The following KALRN variants were observed in gnomAD, a reference collection of about 807,000 sequenced individuals.
KALRN encodes the protein kalirin.
KALRN carries 70 observed loss-of-function variants against 353.7 expected under a neutral mutation model. The observed-to-expected ratio is 0.20, with a 90% CI of 0.16 to 0.24. KALRN has a LOEUF of 0.24. KALRN is among the 10% of genes least tolerant of loss of function. KALRN has a pLI of 1.00. For synonymous variants in KALRN, 1,391 were observed against 1,434.8 expected (o/e 0.97, Z 0.69); for missense variants, 2,791 against 3,756.7 (o/e 0.74, Z 6.72).
intron 34 of KALRN, among the ~76,000 whole-genome samples, chr3:124,585,211 C>T (rs1268731385): frequency 6.6e-6 from 1 of 152,166 alleles, no homozygotes; most frequent in Non-Finnish European, 1.5e-5. Context: ...GAGTGGGATG[C>T]GGACGCGGGG....
At chr3:124,618,685 C>T (rs2078934203) in intron 34 of KALRN, among the ~76,000 whole-genome samples, 1 of 152,156 alleles carries the variant, frequency 6.6e-6, no homozygotes, top group South Asian at 2.1e-4. Context: ...ATACCATGGA[C>T]TCAGGAGTGG....
At chr3:124,089,275 A>C (rs1273492565) in intron 1 of KALRN, among the ~76,000 whole-genome samples, 1 of 152,062 alleles carries the variant, frequency 6.6e-6, no homozygotes, top group Non-Finnish European at 1.5e-5. Context: ...CCTGGAGGGG[A>C]TGGAGAAGGG....
At chr3:124,091,963 C>T (rs1385264573) in intron 1 of KALRN, among the ~76,000 whole-genome samples, 4 of 152,156 alleles carry the variant, frequency 2.6e-5, no homozygotes, top group Admixed American at 2.0e-4. Flanking sequence ...ACTTATGAGG[C>T]TCTGTGGGAG....
intron 1 of KALRN, among the ~76,000 whole-genome samples, chr3:124,154,598 A>T (rs1163367227): frequency 6.6e-6 from 1 of 152,222 alleles, no homozygotes; most frequent in Non-Finnish European, 1.5e-5. Context: ...ATCACTGCTC[A>T]ATGAAATAAA....
rs528985483 is a variant in KALRN, at chr3:124,497,586, C to T, written c.4935+1173C>T. 1.1e-4 allele frequency among the ~76,000 whole-genome samples: 17 copies of T among 152,210 alleles called. 1 individual carries two copies. The East Asian group carries it at 2.1e-3, about 19-fold the overall frequency. On this transcript the variant is annotated intron_variant, in intron 33 of 59. Transcript: ENST00000682506. ...CATTCAAGGTAATTCTGACAACTGC[C>T]CTCAAGTTTTTAAGCCATTTTCTAC...
At chr3:124,286,235 C>T (rs1294084349) in intron 5 of KALRN, among the ~76,000 whole-genome samples, 3 of 145,330 alleles carry the variant, frequency 2.1e-5, no homozygotes, top group Admixed American at 7.1e-5. Flanking sequence ...TTCTTTTCTT[C>T]TCTTCCTCTC....
chr3:124,529,124 C>T (rs1438813260), intron 33 of KALRN, among the ~76,000 whole-genome samples: 2 of 152,256 alleles, frequency 1.3e-5, no homozygotes, highest in East Asian at 3.9e-4. Flanking sequence ...GTAATTGCCA[C>T]AGGATAAGTT....
intron 1 of KALRN, among the ~76,000 whole-genome samples, chr3:124,111,078 T>C (rs1297001670): frequency 6.6e-6 from 1 of 152,234 alleles, no homozygotes; most frequent in African/African-American, 2.4e-5. Context: ...GTTAGCTCTT[T>C]AATGCTTTTG....
intron 1 of KALRN, among the ~76,000 whole-genome samples, chr3:124,199,396 A>G (rs1189843000): frequency 1.3e-5 from 2 of 152,218 alleles, no homozygotes; most frequent in African/African-American, 2.4e-5. Flanking sequence ...TTTGTGTTGA[A>G]CAGCCCACAT....
intron 33 of KALRN, chr3:124,519,494 C>A: frequency 1.0e-6 from 1 of 985,296 alleles, no homozygotes. Context: ...GCTTTATTTT[C>A]AATAGATTAA....
intron 6 of KALRN, among the ~76,000 whole-genome samples, chr3:124,317,716 T>TAA (rs11334433): frequency 2.1e-4 from 15 of 73,000 alleles, no homozygotes; most frequent in Admixed American, 5.3e-4. Flanking sequence ...CAGGCCTTAT[T>TAA]AAAAAAAAAA....
chr3:124,349,446 A>AT (rs1451345726), intron 10 of KALRN, among the ~76,000 whole-genome samples: 1 of 151,420 alleles, frequency 6.6e-6, no homozygotes, highest in Admixed American at 6.6e-5. Context: ...AAACATTATG[A>AT]TTTTTTTTGC....
chr3:124,560,907 C>T (rs1372303244), intron 33 of KALRN, among the ~76,000 whole-genome samples: 1 of 152,150 alleles, frequency 6.6e-6, no homozygotes, highest in African/African-American at 2.4e-5. Context: ...CAGGCCCTAA[C>T]CCAGGCCTAC....
chr3:124,402,313 C>T (rs1446270690), intron 13 of KALRN, among the ~76,000 whole-genome samples: 1 of 152,204 alleles, frequency 6.6e-6, no homozygotes, highest in South Asian at 2.1e-4. Flanking sequence ...AAACCAGGCC[C>T]ATAGCTGGAT....
At position 124,414,880 on chromosome 3, in the gene KALRN, T is replaced by C. The variant is rs554759192; in HGVS notation, c.2542+1215T>C. 4.6e-5 allele frequency among the ~76,000 whole-genome samples: 7 copies of C among 152,344 alleles called. No homozygotes were observed. The East Asian group carries it at 1.4e-3, about 29-fold the overall frequency. ...CCATGTCCCTGCTTATCCTGAAGGATATGGAAATCCTGAGATTGTCAGGGG... is the reference window on the plus strand; with the variant it reads ...CCATGTCCCTGCTTATCCTGAAGGACATGGAAATCCTGAGATTGTCAGGGG... On this transcript the variant is annotated intron_variant, in intron 14 of 59. Transcript: ENST00000682506.
intron 50 of KALRN, 28 bp downstream of exon 50, chr3:124,678,341 C>T (rs1234587921): frequency 1.2e-6 from 2 of 1,611,062 alleles, no homozygotes; most frequent in Non-Finnish European, 1.7e-6. Context: ...GAGCTGCGTC[C>T]CCACCTGTCA....
intron 10 of KALRN, among the ~76,000 whole-genome samples, chr3:124,373,287 G>A (rs1267225926): frequency 1.3e-5 from 2 of 152,072 alleles, no homozygotes; most frequent in African/African-American, 4.8e-5. Flanking sequence ...GTCTCCCCCC[G>A]ACTTCTACCC....
intron 13 of KALRN, among the ~76,000 whole-genome samples, chr3:124,412,720 G>A (rs932564441): frequency 3.9e-5 from 6 of 152,328 alleles, no homozygotes; most frequent in African/African-American, 1.2e-4. Flanking sequence ...GTATTCATTA[G>A]AATCATTAAT....
chr3:124,455,132 G>A, intron 21 of KALRN, 45 bp from the exon 22 acceptor site: 2 of 1,604,086 alleles, frequency 1.2e-6, no homozygotes, highest in Non-Finnish European at 1.7e-6. Context: ...GAAGGGGCAG[G>A]AGAATAAATG....
Sources: gnomAD v4.1 joint callset for allele counts (sites outside exome capture counted in the v4.1 genomes callset) on GRCh38, gnomAD v4.1.1 for gene constraint, MANE v1.5 for transcripts, NCBI Gene and HGNC (gene_info 2026-07-23, HGNC 2026-07-21) for gene names.